Variants in MYO16 observed in about 807,000 individuals in gnomAD.
The protein encoded by MYO16 is myosin XVI.
MYO16 carries 94 observed loss-of-function variants against 205.3 expected under a neutral mutation model. That is an observed-to-expected ratio of 0.46 (90% CI 0.39 to 0.54). The LOEUF is 0.54. Ranked by LOEUF, MYO16 falls within the 20% of genes least tolerant of loss-of-function variation. The pLI is 0.00. For synonymous variants in MYO16, 988 were observed against 954.0 expected (o/e 1.04, Z -0.66); for missense variants, 2,315 against 2,387.5 (o/e 0.97, Z 0.63).
chr13:109,099,429 C>G lies in MYO16; in HGVS notation c.3336-1356C>G, dbSNP rs756796306. Among the ~76,000 whole-genome samples the G allele has an allele frequency of 2.0e-5, 3 of 152,106 alleles. No homozygotes were observed. In the East Asian group the frequency reaches 5.8e-4, roughly 29 times the overall value. The stretch of plus-strand genomic sequence containing the variant: ...TATCAAACGGCAAATTTCAACAATG[C>G]GAAAACCACAATTACATTTACACTG... On this transcript the variant is annotated intron_variant, in intron 27 of 34. Coordinates refer to ENST00000457511, the MANE Select transcript of MYO16 (RefSeq NM_001198950.3).
chr13:109,084,646 T>C (rs1030541474), intron 27 of MYO16, among the ~76,000 whole-genome samples: 157 of 151,932 alleles, frequency 1.0e-3, no homozygotes, highest in African/African-American at 3.8e-3. Context: ...TAAGTAAACA[T>C]TGTATATTAA....
chr13:108,716,428 G>T (rs973127936), intron 3 of MYO16, among the ~76,000 whole-genome samples: 4 of 152,208 alleles, frequency 2.6e-5, no homozygotes, highest in African/African-American at 9.7e-5. Context: ...AGACAAAGTG[G>T]AGGATGAATC....
At chr13:109,072,681 A>G (rs140906558) in intron 27 of MYO16, among the ~76,000 whole-genome samples, 26 of 152,202 alleles carry the variant, frequency 1.7e-4, no homozygotes, top group African/African-American at 4.3e-4. Flanking sequence ...GCTGCTCACT[A>G]GACATACCAG....
intron 16 of MYO16, among the ~76,000 whole-genome samples, chr13:108,919,930 T>A (rs563992092): frequency 6.6e-6 from 1 of 152,378 alleles, no homozygotes; most frequent in East Asian, 1.9e-4. Context: ...TTTCTCTGAC[T>A]GTGAATATTC....
intron 4 of MYO16, among the ~76,000 whole-genome samples, chr13:108,742,513 C>T (rs953936522): frequency 1.3e-5 from 2 of 151,852 alleles, no homozygotes; most frequent in African/African-American, 4.8e-5. Flanking sequence ...TTTTATTTTA[C>T]AGTTTATATA....
intron 23 of MYO16, among the ~76,000 whole-genome samples, chr13:109,022,995 T>C (rs1024959957): frequency 7.4e-6 from 1 of 135,150 alleles, no homozygotes; most frequent in African/African-American, 2.7e-5. Context: ...TATATTTATA[T>C]ATTATATATA....
At chr13:108,941,198 G>T (rs911149984) in intron 16 of MYO16, among the ~76,000 whole-genome samples, 2 of 152,116 alleles carry the variant, frequency 1.3e-5, no homozygotes, top group African/African-American at 4.8e-5. Context: ...TGTGCCTGAT[G>T]AGTGGTTTTG....
At chr13:108,864,633 A>G (rs750431227) in intron 11 of MYO16, among the ~76,000 whole-genome samples, 6 of 151,960 alleles carry the variant, frequency 3.9e-5, no homozygotes, top group Non-Finnish European at 7.4e-5. Context: ...GGATCAAGTG[A>G]TCCTCCTGCC....
At chr13:108,502,439 A>C in the MYO16 span, among the ~76,000 whole-genome samples, 22,567 of 152,206 alleles carry the variant, frequency 0.15, 1,982 homozygotes, top group Non-Finnish European at 0.2. Context: ...TTGGTTAAAA[A>C]TGCTTGAAGA....
intron 22 of MYO16, among the ~76,000 whole-genome samples, chr13:109,019,207 G>A (rs1885937477): frequency 6.6e-6 from 1 of 152,062 alleles, no homozygotes; most frequent in African/African-American, 2.4e-5. Flanking sequence ...TCAAACTCCT[G>A]AGCTCAATGA....
At chr13:108,811,862 A>G (rs924406486) in intron 7 of MYO16, among the ~76,000 whole-genome samples, 11 of 152,190 alleles carry the variant, frequency 7.2e-5, no homozygotes, top group Admixed American at 6.5e-5. Context: ...GTCAATGACG[A>G]GGCTACAGTA....
intron 4 of MYO16, among the ~76,000 whole-genome samples, chr13:108,784,903 G>C (rs1037774220): frequency 2.0e-5 from 3 of 152,170 alleles, no homozygotes; most frequent in Non-Finnish European, 4.4e-5. Context: ...GACAGTTCAT[G>C]TGAGTGATTC....
At chr13:108,582,625 T>C in the MYO16 span, among the ~76,000 whole-genome samples, 1 of 152,176 alleles carries the variant, frequency 6.6e-6, no homozygotes, top group Non-Finnish European at 1.5e-5. Context: ...GTTTTGGAAA[T>C]GGCTTCCATG....
chr13:108,792,758 C>T (rs1886656191), intron 5 of MYO16, among the ~76,000 whole-genome samples: 1 of 152,034 alleles, frequency 6.6e-6, no homozygotes, highest in Admixed American at 6.6e-5. Flanking sequence ...GTGATCTGCC[C>T]ACCTTGGCCT....
chr13:108,961,459 C>G, intron 17 of MYO16, 80 bp from the exon 18 acceptor site: 2 of 1,147,002 alleles, frequency 1.7e-6, no homozygotes, highest in Non-Finnish European at 2.6e-6. Flanking sequence ...TTGTAACTTA[C>G]TTTTAGATAT....
intron 14 of MYO16, among the ~76,000 whole-genome samples, chr13:108,897,430 G>A (rs781386545): frequency 1.3e-5 from 2 of 152,288 alleles, no homozygotes; most frequent in South Asian, 2.1e-4. Context: ...GAGAGAAGGC[G>A]GCATGGCAGC....
At chr13:108,827,082 T>C (rs1321460531) in intron 9 of MYO16, among the ~76,000 whole-genome samples, 1 of 152,088 alleles carries the variant, frequency 6.6e-6, no homozygotes, top group Non-Finnish European at 1.5e-5. Context: ...CACAAAAACC[T>C]GTACATAAAT....
At chr13:109,035,174 T>C (rs1250290559) in intron 23 of MYO16, among the ~76,000 whole-genome samples, 1 of 151,920 alleles carries the variant, frequency 6.6e-6, no homozygotes, top group Admixed American at 6.6e-5. Flanking sequence ...TTTTGAAAAA[T>C]CCTGCACTTT....
At chr13:108,618,427 T>C (rs887819594) in intron 1 of MYO16, among the ~76,000 whole-genome samples, 4 of 152,124 alleles carry the variant, frequency 2.6e-5, no homozygotes, top group African/African-American at 9.7e-5. Context: ...TCCTAGAACA[T>C]TTGCATTGCA....
Sources: gnomAD v4.1 joint callset for allele counts (sites outside exome capture counted in the v4.1 genomes callset) on GRCh38, gnomAD v4.1.1 for gene constraint, MANE v1.5 for transcripts, NCBI Gene and HGNC (gene_info 2026-07-23, HGNC 2026-07-21) for gene names.